Variants in PBX1 observed in about 807,000 individuals in gnomAD.
PBX1 encodes the protein pre-B-cell leukemia transcription factor 1.
A neutral mutation model predicts 53.4 loss-of-function variants in PBX1; 6 were observed. That is an observed-to-expected ratio of 0.11 (90% CI 0.06 to 0.22). The LOEUF is 0.22. Ranked by LOEUF, PBX1 falls within the 10% of genes least tolerant of loss-of-function variation. The pLI is 1.00. For missense variants in PBX1, 251 were observed against 551.4 expected, an observed-to-expected ratio of 0.46 and a Z score of 5.46; for synonymous variants, 204 against 212.3, an observed-to-expected ratio of 0.96 and a Z score of 0.34.
At chr1:164,763,538 T>G (rs759312818) in intron 2 of PBX1, among the ~76,000 whole-genome samples, 2 of 152,158 alleles carry the variant, frequency 1.3e-5, no homozygotes, top group Non-Finnish European at 2.9e-5. Flanking sequence ...ACGGGGCAAG[T>G]TTCTGAAATG....
Position 164,737,894 on chromosome 1 carries a change from C to T in PBX1, c.266-54600C>T, listed in dbSNP as rs578204548. Among the ~76,000 whole-genome samples, 9 of 152,318 alleles carry T rather than the reference C, an allele frequency of 5.9e-5. No homozygotes were observed. In the South Asian group the frequency reaches 1.2e-3, roughly 21 times the overall value. On this transcript the variant is annotated intron_variant, in intron 2 of 8. Transcript: ENST00000420696. The stretch of plus-strand genomic sequence containing the variant: ...CCCCTTTACAGTCAACCTTCCCCAC[C>T]TCCCCCCAACCGGTGCCTGGCACCC...
chr1:164,572,560 A>G (rs141227130), intron 2 of PBX1, among the ~76,000 whole-genome samples: 1 of 152,254 alleles, frequency 6.6e-6, no homozygotes, highest in Non-Finnish European at 1.5e-5. Context: ...TTTGAAAAAG[A>G]TTGGAGAATT....
At chr1:164,774,197 T>G (rs953236461) in intron 2 of PBX1, among the ~76,000 whole-genome samples, 1 of 152,208 alleles carries the variant, frequency 6.6e-6, no homozygotes, top group Non-Finnish European at 1.5e-5. Flanking sequence ...AAGACAATTT[T>G]CTTTTTCAGC....
intron 2 of PBX1, among the ~76,000 whole-genome samples, chr1:164,625,271 T>C (rs1282034567): frequency 6.6e-6 from 1 of 152,216 alleles, no homozygotes; most frequent in Non-Finnish European, 1.5e-5. Context: ...TCTTGACGGA[T>C]AAAGACAGTT....
At chr1:164,629,043 G>T (rs1004911556) in intron 2 of PBX1, among the ~76,000 whole-genome samples, 3 of 152,158 alleles carry the variant, frequency 2.0e-5, no homozygotes, top group East Asian at 3.9e-4. Context: ...TGTTTGGACT[G>T]ACCTCAAACA....
intron 2 of PBX1, among the ~76,000 whole-genome samples, chr1:164,609,167 T>A (rs995135050): frequency 3.3e-5 from 5 of 152,096 alleles, no homozygotes; most frequent in South Asian, 2.1e-4. Context: ...TCTTTTTTTT[T>A]AATAATTTAA....
At chr1:164,677,805 A>G (rs564390813) in intron 2 of PBX1, among the ~76,000 whole-genome samples, 17 of 152,268 alleles carry the variant, frequency 1.1e-4, no homozygotes, top group African/African-American at 3.1e-4. Context: ...GAAGAGGGTG[A>G]CAATGAGGGG....
chr1:164,579,088 A>G lies in PBX1; in HGVS notation c.265+15777A>G, dbSNP rs1280281706. ...TGCTCACCTGGGCAGCTTAAGCTAC[A>G]TGGTCTGCTTCTGCCTTGAAGGAGT... On this transcript the variant is annotated intron_variant, in intron 2 of 8. Coordinates refer to ENST00000420696, the MANE Select transcript of PBX1 (RefSeq NM_002585.4). Among the ~76,000 whole-genome samples, 3 of 152,228 alleles carry G rather than the reference A, an allele frequency of 2.0e-5. No individual in the cohort carries two copies. In the East Asian group the frequency reaches 5.8e-4, roughly 30 times the overall value.
chr1:164,793,867 C>CTTT (rs1668649689), intron 3 of PBX1, among the ~76,000 whole-genome samples: 1 of 92,330 alleles, frequency 1.1e-5, no homozygotes, highest in African/African-American at 4.8e-5. Flanking sequence ...TTTTTTTTTT[C>CTTT]CTTTCTTTTT....
intron 2 of PBX1, among the ~76,000 whole-genome samples, chr1:164,743,542 TTA>T (rs1311742312): frequency 1.3e-5 from 2 of 152,172 alleles, no homozygotes; most frequent in African/African-American, 2.4e-5. Flanking sequence ...GCATCATCTT[TTA>T]TATATGTTTC....
intron 2 of PBX1, among the ~76,000 whole-genome samples, chr1:164,766,459 C>T (rs1450107260): frequency 2.6e-5 from 4 of 152,076 alleles, no homozygotes; most frequent in Non-Finnish European, 5.9e-5. Flanking sequence ...CAATCAAGTA[C>T]CATCCCTTAC....
At chr1:164,872,678 C>T (rs560189819) in intron 2 of PBX1, among the ~76,000 whole-genome samples, 1 of 152,328 alleles carries the variant, frequency 6.6e-6, no homozygotes, top group East Asian at 1.9e-4. Context: ...AGCCACCACA[C>T]ACCATTGGCC....
intron 2 of PBX1, among the ~76,000 whole-genome samples, chr1:164,711,670 G>A (rs572602806): frequency 3.1e-4 from 47 of 152,310 alleles, no homozygotes; most frequent in African/African-American, 7.7e-4. Context: ...TTGGGAGAGC[G>A]GAGATTTTGG....
intron 2 of PBX1, among the ~76,000 whole-genome samples, chr1:164,626,819 A>G (rs1358365807): frequency 1.3e-5 from 2 of 152,098 alleles, no homozygotes; most frequent in African/African-American, 4.8e-5. Context: ...CCTGCTCCCC[A>G]TCATGCCTGC....
intron 2 of PBX1, among the ~76,000 whole-genome samples, chr1:164,655,216 TG>T (rs1255192515): frequency 1.3e-5 from 2 of 151,632 alleles, no homozygotes; most frequent in African/African-American, 4.8e-5. Flanking sequence ...TGGGTTCAAG[TG>T]ATTCTCCTGC....
rs1298334512 is a variant in PBX1 at position 164,849,981 on chromosome 1, C to T, written c.*3305C>T. ...CCATTGTTTCTTGCGACTTGTGTCT[C>T]GTTCTTTGTAGTATTGATGATGAAC... On this transcript the variant is annotated 3_prime_UTR_variant, in exon 9 of 9. Coordinates refer to ENST00000420696, the MANE Select transcript of PBX1 (RefSeq NM_002585.4). 17 of 226,774 alleles carry T rather than the reference C, an allele frequency of 7.5e-5. No homozygotes were observed. Among genetic ancestry groups the T allele is most frequent in the Non-Finnish European group, 1.2e-4 (14 of 114,292 alleles). 14.0% of individuals were successfully genotyped at this position (226,774 alleles called of 1,614,324 possible).
At chr1:164,660,495 G>A (rs1437579982) in intron 2 of PBX1, among the ~76,000 whole-genome samples, 1 of 152,214 alleles carries the variant, frequency 6.6e-6, no homozygotes, top group East Asian at 1.9e-4. Context: ...TGTAGGACCT[G>A]TGCCATTGCA....
intron 2 of PBX1, among the ~76,000 whole-genome samples, chr1:164,594,749 C>G (rs1046724552): frequency 6.6e-6 from 1 of 152,156 alleles, no homozygotes; most frequent in Non-Finnish European, 1.5e-5. Context: ...ATTTTATAAT[C>G]TCTTTTGTCC....
intron 2 of PBX1, among the ~76,000 whole-genome samples, chr1:164,602,317 C>T (rs1167643698): frequency 6.6e-6 from 1 of 152,170 alleles, no homozygotes; most frequent in South Asian, 2.1e-4. Flanking sequence ...CCCCTCACAC[C>T]CCGCTCGGTT....
Sources: allele counts gnomAD v4.1 joint callset (sites outside exome capture counted in the v4.1 genomes callset), GRCh38; gene constraint gnomAD v4.1.1; transcripts MANE v1.5; gene names NCBI Gene and HGNC (gene_info 2026-07-23, HGNC 2026-07-21).